CNTN4: variants seen among roughly 807,000 people sequenced by gnomAD.
The protein encoded by CNTN4 is contactin-4.
A neutral mutation model predicts 122.5 loss-of-function variants in CNTN4; 77 were observed. The observed-to-expected ratio is 0.63, with a 90% confidence interval of 0.52 to 0.76. The LOEUF (loss-of-function observed/expected upper bound fraction) is 0.76. Ranked by LOEUF, CNTN4 falls within the 30% of genes least tolerant of loss-of-function variation. The probability of loss-of-function intolerance (pLI) is 0.00; values close to 1 mark genes in which losing one functional copy is unlikely to be tolerated. For missense variants in CNTN4, 1,256 were observed against 1,259.1 expected, an observed-to-expected ratio of 1.00 and a Z score of 0.04; for synonymous variants, 512 against 447.0, an observed-to-expected ratio of 1.15 and a Z score of -1.83.
At chr3:2,726,619 T>C (rs2088243617) in intron 4 of CNTN4, among the ~76,000 whole-genome samples, 1 of 152,240 alleles carries the variant, frequency 6.6e-6, no homozygotes, top group Non-Finnish European at 1.5e-5. Context: ...CAATCAATTT[T>C]ATACATGTAT....
rs374998261 is a variant in CNTN4, at chr3:2,354,395, G to T, written c.-89+15162G>T. ...AAAGTGGAAAAATTAGCCAGGTGTG[G>T]TGGCAGGTGCCTGTAATCCCAGCTA... is the stretch of plus-strand genomic sequence containing the variant. On this transcript the variant is annotated intron_variant, in intron 3 of 24. Coordinates refer to ENST00000418658, the MANE Select transcript of CNTN4 (RefSeq NM_175607.3). Among the ~76,000 whole-genome samples, 7 of 152,286 alleles carry T rather than the reference G, an allele frequency of 4.6e-5. No homozygotes were observed. In the South Asian group the frequency reaches 1.5e-3, roughly 32 times the overall value.
intron 4 of CNTN4, among the ~76,000 whole-genome samples, chr3:2,712,045 C>G (rs1425979236): frequency 6.6e-6 from 1 of 152,106 alleles, no homozygotes; most frequent in Non-Finnish European, 1.5e-5. Flanking sequence ...CTGCTAATGA[C>G]AGATGAATCA....
intron 3 of CNTN4, among the ~76,000 whole-genome samples, chr3:2,459,135 G>T (rs2049108356): frequency 6.6e-6 from 1 of 152,130 alleles, no homozygotes; most frequent in Non-Finnish European, 1.5e-5. Flanking sequence ...TGCAGTCTCA[G>T]CAGATTCCTA....
chr3:2,153,647 T>C (rs145924004), intron 2 of CNTN4, among the ~76,000 whole-genome samples: 8 of 151,934 alleles, frequency 5.3e-5, no homozygotes, highest in Non-Finnish European at 1.0e-4. Context: ...ATGGTAAGGG[T>C]GTACTTTATT....
At chr3:2,900,535 C>G in intron 10 of CNTN4, 150 bp from the exon 11 acceptor site, 4 of 845,064 alleles carry the variant, frequency 4.7e-6, no homozygotes, top group South Asian at 3.0e-5. Flanking sequence ...ATAGGCACCT[C>G]CCTGAATGTC....
At chr3:2,585,913 G>A (rs1161491468) in intron 4 of CNTN4, among the ~76,000 whole-genome samples, 2 of 150,116 alleles carry the variant, frequency 1.3e-5, no homozygotes, top group East Asian at 1.9e-4. Context: ...GCTAGGCTCA[G>A]TGTTTCTAGG....
At chr3:2,443,667 C>T (rs1275162849) in intron 3 of CNTN4, among the ~76,000 whole-genome samples, 2 of 152,054 alleles carry the variant, frequency 1.3e-5, no homozygotes, top group East Asian at 1.9e-4. Context: ...ATTTCAGTGT[C>T]GACTTACCCA....
intron 2 of CNTN4, among the ~76,000 whole-genome samples, chr3:2,171,366 A>T (rs2036502260): frequency 6.6e-6 from 1 of 152,236 alleles, no homozygotes; most frequent in Non-Finnish European, 1.5e-5. Context: ...TCTCATTTTT[A>T]TAATTCCACG....
rs1388411236 is a variant in CNTN4 at position 2,866,773 on chromosome 3, T to G, written c.476T>G (p.Phe159Cys). 6.2e-7 allele frequency: 1 copy of G among 1,614,006 alleles called. No individual in the cohort carries two copies. Among genetic ancestry groups the G allele is most frequent in the South Asian group, 1.1e-5 (1 of 91,086 alleles). ...TCAGAGCTGAGTTATGCCTGGATCTTCAATGAATACCCTTCCTATCAGGAT... is the reference window on the plus strand; with the variant it reads ...TCAGAGCTGAGTTATGCCTGGATCTGCAATGAATACCCTTCCTATCAGGAT... ...HSGELSYAWI[F>C]NEYPSYQDNR... The change falls in exon 8 of 25, where the codon TTC becomes TGC. Residue 159 changes from phenylalanine to cysteine, a missense_variant. Coordinates refer to ENST00000418658, the MANE Select transcript of CNTN4 (RefSeq NM_175607.3).
At chr3:2,945,094 G>C (rs1018273381) in intron 13 of CNTN4, among the ~76,000 whole-genome samples, 3 of 152,162 alleles carry the variant, frequency 2.0e-5, no homozygotes, top group Non-Finnish European at 4.4e-5. Flanking sequence ...GCTTTAAGCT[G>C]CCCCATATTC....
intron 3 of CNTN4, among the ~76,000 whole-genome samples, chr3:2,412,761 A>C (rs2047272306): frequency 6.6e-6 from 1 of 152,226 alleles, no homozygotes; most frequent in African/African-American, 2.4e-5. Context: ...TGAAAACAAA[A>C]GGTAGAATCG....
chr3:2,165,835 A>G (rs2036171470), intron 2 of CNTN4, among the ~76,000 whole-genome samples: 1 of 152,120 alleles, frequency 6.6e-6, no homozygotes, highest in South Asian at 2.1e-4. Flanking sequence ...AATGTCCTCT[A>G]GGCTCATTGA....
At chr3:2,256,312 C>T (rs2040589220) in intron 2 of CNTN4, among the ~76,000 whole-genome samples, 1 of 151,904 alleles carries the variant, frequency 6.6e-6, no homozygotes, top group Non-Finnish European at 1.5e-5. Context: ...GTCTACCAAC[C>T]AAAAAAAGTC....
intron 8 of CNTN4, among the ~76,000 whole-genome samples, chr3:2,874,580 T>C (rs772313717): frequency 3.9e-5 from 6 of 152,278 alleles, no homozygotes; most frequent in South Asian, 2.1e-4. Context: ...AGAAGCCTAA[T>C]TGCAGTTAGA....
intron 12 of CNTN4, among the ~76,000 whole-genome samples, chr3:2,917,694 T>C (rs1191265214): frequency 6.6e-6 from 1 of 152,192 alleles, no homozygotes; most frequent in Non-Finnish European, 1.5e-5. Flanking sequence ...GTGCCACAGA[T>C]CTGTAATCTG....
Position 2,631,865 on chromosome 3 carries a change from C to CAAAAAAAAA in CNTN4, c.55+60312_55+60320dup, listed in dbSNP as rs1157671569. Among the ~76,000 whole-genome samples, 400 of 69,678 alleles carry CAAAAAAAAA rather than the reference C, an allele frequency of 5.7e-3. 5 individuals are homozygous for CAAAAAAAAA. The highest frequency in any genetic ancestry group is 7.6e-3 in the South Asian group (15 of 1,970). The allele number at this position is 69,678 out of a possible 152,430, so 45.7% of individuals were successfully genotyped here. On this transcript the variant is annotated intron_variant, in intron 4 of 24. Coordinates refer to ENST00000418658, the MANE Select transcript of CNTN4 (RefSeq NM_175607.3). ...GCAACATAGGGAGACCGTATCTCTACAAAAAAAAAAAAACAAAAAAAAACA... is the reference window on the plus strand; with the variant it reads ...GCAACATAGGGAGACCGTATCTCTACAAAAAAAAAAAAAAAAAAAAAACAAAAAAAAACA...
intron 7 of CNTN4, among the ~76,000 whole-genome samples, chr3:2,827,240 A>G (rs2093005954): frequency 6.6e-6 from 1 of 151,900 alleles, no homozygotes; most frequent in Non-Finnish European, 1.5e-5. Context: ...CCCTCTCCTT[A>G]CCCATATCTG....
intron 2 of CNTN4, among the ~76,000 whole-genome samples, chr3:2,186,616 G>A (rs1056637737): frequency 1.3e-5 from 2 of 151,848 alleles, no homozygotes; most frequent in Non-Finnish European, 2.9e-5. Flanking sequence ...TTTTAATGAT[G>A]GCCATTCTAA....
chr3:3,005,655 T>A (rs563692477), intron 14 of CNTN4, among the ~76,000 whole-genome samples: 70 of 152,232 alleles, frequency 4.6e-4, no homozygotes, highest in African/African-American at 1.5e-3. Flanking sequence ...TTGGAAATGG[T>A]CATTTACCAC....
Sources: gnomAD v4.1 joint callset for allele counts (sites outside exome capture counted in the v4.1 genomes callset) on GRCh38, gnomAD v4.1.1 for gene constraint, MANE v1.5 for transcripts, NCBI Gene and HGNC (gene_info 2026-07-23, HGNC 2026-07-21) for gene names.